The following THRB variants were observed in gnomAD, a reference collection of about 807,000 sequenced individuals.
THRB encodes thyroid hormone receptor beta, also known as nuclear receptor subfamily 1 group A member 2.
In THRB, 12 loss-of-function variants were observed where a neutral mutation model predicts 47.8. The observed-to-expected ratio is 0.25, with a 90% confidence interval of 0.16 to 0.41. The LOEUF is 0.41. THRB is among the 10% of genes least tolerant of loss of function. THRB has a pLI of 1.00. For synonymous variants in THRB, 218 were observed against 212.2 expected (o/e 1.03, Z -0.24); for missense variants, 348 against 589.2 (o/e 0.59, Z 4.24).
In THRB at chr3:24,206,301, C is replaced by G. The variant is rs529459460; in HGVS notation, c.23-15967G>C. ...AAGAACAGAAATCACAACAAACTGTCTCTCAGACCACAGTGCAATCAAATT... is the reference window on the plus strand; with the variant it reads ...AAGAACAGAAATCACAACAAACTGTGTCTCAGACCACAGTGCAATCAAATT... On this transcript the variant is annotated intron_variant, in intron 4 of 10. Coordinates refer to ENST00000646209, the MANE Select transcript of THRB (RefSeq NM_001354712.2). Among the ~76,000 whole-genome samples, 646 of 152,316 alleles carry G rather than the reference C, an allele frequency of 4.2e-3. 2 individuals carry two copies. Among genetic ancestry groups the G allele is most frequent in the African/African-American group, 0.015 (613 of 41,552 alleles).
chr3:24,341,781 C>T (rs1488993441), intron 1 of THRB, among the ~76,000 whole-genome samples: 3 of 152,140 alleles, frequency 2.0e-5, no homozygotes, highest in African/African-American at 4.8e-5. Context: ...TTTTCTCTTG[C>T]TCTCCTGTGA....
In THRB at chr3:24,270,267, G is replaced by C. The variant is rs145847073; in HGVS notation, c.-43+26959C>G. Among the ~76,000 whole-genome samples the C allele has an allele frequency of 8.0e-3, 1,219 of 152,246 alleles. 16 individuals are homozygous for C. Among genetic ancestry groups the C allele is most frequent in the African/African-American group, 0.028 (1,152 of 41,526 alleles). On this transcript the variant is annotated intron_variant, in intron 3 of 10. Transcript: ENST00000646209. ...AGACACTTAACCAGGTTTACTACTG[G>C]ACAGGGTGCAATTTTATTAATCTTT... is the stretch of plus-strand genomic sequence containing the variant.
intron 5 of THRB, among the ~76,000 whole-genome samples, chr3:24,167,065 A>T (rs1446611878): frequency 6.6e-6 from 1 of 152,104 alleles, no homozygotes; most frequent in African/African-American, 2.4e-5. Context: ...AGTCAAGTGG[A>T]CCACCATTGT....
chr3:24,362,996 G>A (rs192050886), intron 1 of THRB, among the ~76,000 whole-genome samples: 4 of 152,270 alleles, frequency 2.6e-5, no homozygotes, highest in Admixed American at 2.6e-4. Context: ...GGGAGCTGAT[G>A]GGAAAATGAA....
intron 5 of THRB, chr3:24,165,401 C>T (rs780221271): frequency 1.4e-6 from 1 of 721,954 alleles, no homozygotes; most frequent in Non-Finnish European, 2.5e-6. Flanking sequence ...ACACAGTCTA[C>T]GCATGCATTC....
At chr3:24,404,916 C>G (rs564498991) in intron 1 of THRB, among the ~76,000 whole-genome samples, 1 of 151,840 alleles carries the variant, frequency 6.6e-6, no homozygotes, top group East Asian at 2.0e-4. Context: ...AAAAAGCCTA[C>G]CAGCAGCATA....
At chr3:24,329,070 C>G (rs1305327962) in intron 2 of THRB, among the ~76,000 whole-genome samples, 1 of 152,078 alleles carries the variant, frequency 6.6e-6, no homozygotes, top group Non-Finnish European at 1.5e-5. Flanking sequence ...CCTCAGCCTC[C>G]CATGTAGCTG....
rs1383178764 is a variant in THRB at position 24,120,530 on chromosome 3, G to A, written c.*2354C>T. Reference sequence around the variant, plus strand: ...GGAAACTTTCCCCAGAAGGCCTGACGCTGCAGGACCCTGCCTGCTTGCCTT... The same window carrying A: ...GGAAACTTTCCCCAGAAGGCCTGACACTGCAGGACCCTGCCTGCTTGCCTT... On this transcript the variant is annotated 3_prime_UTR_variant, in exon 11 of 11. Transcript: ENST00000646209. The A allele has an allele frequency of 2.0e-5, 3 of 152,276 alleles. No homozygotes were observed. Among genetic ancestry groups the A allele is most frequent in the South Asian group, 2.1e-4 (1 of 4,830 alleles). The allele number at this position is 152,276 out of a possible 1,614,324, so 9.4% of individuals were successfully genotyped here. A position where few individuals can be genotyped will look rare whatever the true frequency, so the allele number is the denominator to read the frequency against.
At chr3:24,331,082 A>G (rs752495249) in intron 2 of THRB, among the ~76,000 whole-genome samples, 7 of 152,124 alleles carry the variant, frequency 4.6e-5, no homozygotes, top group Admixed American at 4.6e-4. Flanking sequence ...GCTGGCTCCA[A>G]CTGTCAACAC....
chr3:24,370,228 C>T (rs891650239), intron 1 of THRB, among the ~76,000 whole-genome samples: 2 of 152,056 alleles, frequency 1.3e-5, no homozygotes, highest in African/African-American at 4.8e-5. Flanking sequence ...TTTCAGATAA[C>T]TTGTCCCCTT....
At chr3:24,232,355 T>A (rs549428903) in intron 3 of THRB, among the ~76,000 whole-genome samples, 1 of 152,166 alleles carries the variant, frequency 6.6e-6, no homozygotes, top group South Asian at 2.1e-4. Context: ...AGGGAGAGAA[T>A]TGCACCAGAT....
intron 3 of THRB, among the ~76,000 whole-genome samples, chr3:24,288,474 C>G (rs1470117867): frequency 6.6e-6 from 1 of 152,138 alleles, no homozygotes; most frequent in African/African-American, 2.4e-5. Flanking sequence ...TATGTGACTG[C>G]TCTTTTTTTT....
chr3:24,458,031 A>C (rs535146284), intron 1 of THRB: 5 of 152,278 alleles, frequency 3.3e-5, no homozygotes, highest in Admixed American at 2.6e-4. Flanking sequence ...GTGGGGCCTA[A>C]AATTATGCAT....
chr3:24,219,319 G>T (rs1463267112), intron 4 of THRB, among the ~76,000 whole-genome samples: 2 of 152,138 alleles, frequency 1.3e-5, no homozygotes, highest in South Asian at 4.2e-4. Context: ...AAAAAAATAG[G>T]ATTTTAAACT....
chr3:24,343,986 G>A lies in THRB; in HGVS notation c.-260-6615C>T, dbSNP rs1275730854. On this transcript the variant is annotated intron_variant, in intron 1 of 10. Transcript: ENST00000646209. Reference sequence around the variant, plus strand: ...ATATATATTTATTTCCCACATGTGGGAAATTTAATCACATACAGTTGGATT... The same window carrying A: ...ATATATATTTATTTCCCACATGTGGAAAATTTAATCACATACAGTTGGATT... 2.0e-5 allele frequency among the ~76,000 whole-genome samples: 3 copies of A among 147,466 alleles called. No homozygotes were observed. The East Asian group carries it at 5.9e-4, about 29-fold the overall frequency.
At chr3:24,442,716 C>T (rs6807873) in intron 1 of THRB, among the ~76,000 whole-genome samples, 51,345 of 151,352 alleles carry the variant, frequency 0.34, 9,425 homozygotes, top group African/African-American at 0.46. Context: ...CCCAGCTACT[C>T]GGGAGGCTGA....
chr3:24,395,868 C>A (rs1340936771), intron 1 of THRB, among the ~76,000 whole-genome samples: 1 of 152,040 alleles, frequency 6.6e-6, no homozygotes, highest in African/African-American at 2.4e-5. Flanking sequence ...ACTCAAATAT[C>A]CACCAACTGG....
At chr3:24,472,965 C>T (rs1490993571) in intron 1 of THRB, among the ~76,000 whole-genome samples, 1 of 152,106 alleles carries the variant, frequency 6.6e-6, no homozygotes, top group Non-Finnish European at 1.5e-5. Flanking sequence ...TCTTAGGAGA[C>T]TCAAGATGAG....
chr3:24,243,095 A>T (rs1451014247), intron 3 of THRB, among the ~76,000 whole-genome samples: 2 of 102,074 alleles, frequency 2.0e-5, no homozygotes, highest in Admixed American at 1.8e-4. Flanking sequence ...AAAAAAAAAA[A>T]TCCCAGTGCC....
Sources: allele counts gnomAD v4.1 joint callset (sites outside exome capture counted in the v4.1 genomes callset), GRCh38; gene constraint gnomAD v4.1.1; transcripts MANE v1.5; gene names NCBI Gene and HGNC (gene_info 2026-07-23, HGNC 2026-07-21).